Variants in MITF observed in about 807,000 individuals in gnomAD.
MITF encodes the protein melanocyte inducing transcription factor, also known as microphthalmia-associated transcription factor.
MITF carries 17 observed loss-of-function variants against 60.5 expected under a neutral mutation model. The ratio of observed to expected loss-of-function variants is 0.28; its 90% CI spans 0.19 to 0.42. MITF has a LOEUF of 0.42. Ranked by LOEUF, MITF falls within the 10% of genes least tolerant of loss-of-function variation. MITF has a pLI of 1.00. For missense variants in MITF, 622 were observed against 683.5 expected (o/e 0.91, Z 1.00); for synonymous variants, 260 against 248.5 (o/e 1.05, Z -0.43).
chr3:69,741,536 GA>G (rs1232028261), intron 1 of MITF, among the ~76,000 whole-genome samples: 1 of 152,152 alleles, frequency 6.6e-6, no homozygotes, highest in African/African-American at 2.4e-5. Context: ...CAGCAAAAAA[GA>G]CTTGTAAGGG....
Position 69,879,675 on chromosome 3 carries a change from C to T in MITF, c.354+292C>T, listed in dbSNP as rs143379634. On this transcript the variant is annotated intron_variant, in intron 2 of 9. Transcript: ENST00000352241. ...ATCTTTCTTTGGGAAAGTTTCAAAA[C>T]CAGAATTATCTGAGGTGGGCCTCTT... Among the ~76,000 whole-genome samples the T allele has an allele frequency of 7.2e-5, 11 of 152,268 alleles. No individual in the cohort carries two copies. The East Asian group carries it at 2.1e-3, about 29-fold the overall frequency.
chr3:69,932,110 TGTTGAGTAGGAAA>T (rs983920997), intron 2 of MITF, among the ~76,000 whole-genome samples: 2 of 152,242 alleles, frequency 1.3e-5, no homozygotes, highest in Non-Finnish European at 2.9e-5. Flanking sequence ...CTAAAACTTC[TGTTGAGTAGGAAA>T]GTTCAATTCT....
At chr3:69,897,938 G>A (rs997148765) in intron 2 of MITF, among the ~76,000 whole-genome samples, 1 of 152,162 alleles carries the variant, frequency 6.6e-6, no homozygotes, top group African/African-American at 2.4e-5. Context: ...AATGGGAGTT[G>A]ATATACAAAA....
At chr3:69,825,509 T>G (rs2063339993) in intron 1 of MITF, among the ~76,000 whole-genome samples, 1 of 152,166 alleles carries the variant, frequency 6.6e-6, no homozygotes, top group African/African-American at 2.4e-5. Flanking sequence ...TGAGTTCAGT[T>G]TCTGGGGATT....
chr3:69,818,880 C>T (rs1293089718), intron 1 of MITF, among the ~76,000 whole-genome samples: 1 of 152,112 alleles, frequency 6.6e-6, no homozygotes. Flanking sequence ...TGGGCATTAA[C>T]AGGTTAATTT....
At chr3:69,926,944 C>T (rs1025229568) in intron 2 of MITF, among the ~76,000 whole-genome samples, 1 of 152,106 alleles carries the variant, frequency 6.6e-6, no homozygotes, top group Admixed American at 6.5e-5. Flanking sequence ...GGAATTCTGC[C>T]TGAATATATT....
chr3:69,774,829 G>A (rs564602524), intron 1 of MITF, among the ~76,000 whole-genome samples: 1 of 152,254 alleles, frequency 6.6e-6, no homozygotes, highest in South Asian at 2.1e-4. Context: ...GCTGTCCTGT[G>A]GTAATGCTTA....
chr3:69,802,948 T>C (rs552978932), intron 1 of MITF, among the ~76,000 whole-genome samples: 1 of 152,134 alleles, frequency 6.6e-6, no homozygotes, highest in East Asian at 1.9e-4. Context: ...TAGCTAATTT[T>C]GTATTTTTAG....
intron 7 of MITF, among the ~76,000 whole-genome samples, chr3:69,952,543 C>G (rs1358651380): frequency 6.6e-6 from 1 of 152,084 alleles, no homozygotes; most frequent in African/African-American, 2.4e-5. Flanking sequence ...TTTCTCATCT[C>G]ATGGCCTCAT....
chr3:69,760,853 T>C (rs181667648), intron 1 of MITF, among the ~76,000 whole-genome samples: 2 of 152,280 alleles, frequency 1.3e-5, no homozygotes, highest in Admixed American at 1.3e-4. Flanking sequence ...TTTGCAAGCA[T>C]TGGAAATTAG....
intron 1 of MITF, among the ~76,000 whole-genome samples, chr3:69,786,095 G>A (rs9860207): frequency 2.6e-5 from 4 of 152,162 alleles, no homozygotes; most frequent in African/African-American, 4.8e-5. Flanking sequence ...TGCTTCCTGC[G>A]TATGCTTTAA....
chr3:69,890,434 C>T (rs1002090202), intron 2 of MITF, among the ~76,000 whole-genome samples: 4 of 152,024 alleles, frequency 2.6e-5, no homozygotes, highest in South Asian at 2.1e-4. Flanking sequence ...TAAAGTCTTG[C>T]GAATATATGA....
intron 1 of MITF, among the ~76,000 whole-genome samples, chr3:69,743,773 A>G (rs34624571): frequency 1.5e-3 from 236 of 152,344 alleles, no homozygotes; most frequent in Admixed American, 2.7e-3. Flanking sequence ...TAGTCATGGC[A>G]GGGAAACAAA....
intron 1 of MITF, among the ~76,000 whole-genome samples, chr3:69,740,066 G>C (rs1703473494): frequency 6.6e-6 from 1 of 152,204 alleles, no homozygotes; most frequent in African/African-American, 2.4e-5. Flanking sequence ...CGGTGGGATG[G>C]GGGAGAAAGA....
intron 1 of MITF, among the ~76,000 whole-genome samples, chr3:69,797,536 T>A (rs1444292800): frequency 6.6e-6 from 1 of 152,090 alleles, no homozygotes. Context: ...GGGGTATAGG[T>A]GTGATGGTGG....
At chr3:69,899,346 G>A (rs745937791) in intron 2 of MITF, among the ~76,000 whole-genome samples, 4 of 152,202 alleles carry the variant, frequency 2.6e-5, no homozygotes, top group Non-Finnish European at 4.4e-5. Flanking sequence ...GGGGCCAGGG[G>A]CCTAGGGTTT....
chr3:69,749,360 C>T (rs932933198), intron 1 of MITF, among the ~76,000 whole-genome samples: 1 of 152,106 alleles, frequency 6.6e-6, no homozygotes, highest in South Asian at 2.1e-4. Flanking sequence ...ATTTTTTCAG[C>T]GAAAGGTGGA....
At chr3:69,917,081 G>A (rs2065351143) in intron 2 of MITF, among the ~76,000 whole-genome samples, 1 of 151,910 alleles carries the variant, frequency 6.6e-6, no homozygotes, top group East Asian at 1.9e-4. Flanking sequence ...TAAGTAACAG[G>A]GTATAAAAAC....
chr3:69,757,268 C>T (rs1050308182), intron 1 of MITF, among the ~76,000 whole-genome samples: 1 of 152,126 alleles, frequency 6.6e-6, no homozygotes, highest in African/African-American at 2.4e-5. Context: ...GTAGGATTCT[C>T]AAGGCAGTGT....
Sources: allele counts gnomAD v4.1 joint callset (sites outside exome capture counted in the v4.1 genomes callset), GRCh38; gene constraint gnomAD v4.1.1; transcripts MANE v1.5; gene names NCBI Gene and HGNC (gene_info 2026-07-23, HGNC 2026-07-21).